NUP210: variants seen among roughly 807,000 people sequenced by gnomAD.
NUP210 encodes the protein nuclear pore membrane glycoprotein 210.
In NUP210, 151 loss-of-function variants were observed where a neutral mutation model predicts 196.0. The observed-to-expected ratio is 0.77, with a 90% CI of 0.67 to 0.88. NUP210 has a LOEUF of 0.88. Among genes scored for constraint, NUP210 ranks in the 40% least tolerant of loss-of-function variants. The pLI, the probability that NUP210 is intolerant of heterozygous loss-of-function variation, is 0.00. For missense variants in NUP210, 2,314 were observed against 2,493.7 expected (o/e 0.93, Z 1.53); for synonymous variants, 1,070 against 1,052.7 (o/e 1.02, Z -0.32).
At chr3:13,414,810 T>G (rs760865901) in intron 1 of NUP210, among the ~76,000 whole-genome samples, 5 of 152,354 alleles carry the variant, frequency 3.3e-5, no homozygotes, top group South Asian at 4.1e-4. Context: ...TACTCCTGCC[T>G]CACATGCATC....
intron 11 of NUP210, among the ~76,000 whole-genome samples, chr3:13,374,990 G>A (rs1390869289): frequency 6.6e-6 from 1 of 152,222 alleles, no homozygotes; most frequent in African/African-American, 2.4e-5. Flanking sequence ...TCCATCCCAT[G>A]TGATGAGGTT....
intron 13 of NUP210, among the ~76,000 whole-genome samples, chr3:13,370,536 C>A (rs1698695670): frequency 6.6e-6 from 1 of 152,166 alleles, no homozygotes; most frequent in African/African-American, 2.4e-5. Context: ...TGAGCAGCAC[C>A]CTGCAGACTC....
At chr3:13,392,777 CT>C (rs1167309735) in intron 3 of NUP210, among the ~76,000 whole-genome samples, 3 of 152,236 alleles carry the variant, frequency 2.0e-5, no homozygotes, top group African/African-American at 7.2e-5. Context: ...CCCAGTTCCA[CT>C]GTCCGGGGGC....
intron 20 of NUP210, among the ~76,000 whole-genome samples, chr3:13,343,821 G>A (rs980950224): frequency 1.3e-5 from 2 of 152,166 alleles, no homozygotes; most frequent in East Asian, 1.9e-4. Flanking sequence ...CTTTCCCACG[G>A]CAGCTTGCAC....
At chr3:13,383,038 G>A (rs1015230797) in intron 6 of NUP210, among the ~76,000 whole-genome samples, 2 of 152,046 alleles carry the variant, frequency 1.3e-5, no homozygotes, top group African/African-American at 4.8e-5. Flanking sequence ...CAGCTACTCA[G>A]GGGTGTGAGG....
chr3:13,404,325 GA>G (rs1435129940), intron 1 of NUP210, among the ~76,000 whole-genome samples: 1 of 152,200 alleles, frequency 6.6e-6, no homozygotes, highest in African/African-American at 2.4e-5. Context: ...TCAAAATAGA[GA>G]AGGTGGAAGT....
chr3:13,343,227 G>C lies in NUP210; in HGVS notation c.2912C>G (p.Ala971Gly). The change falls in exon 21 of 40, where the codon GCT becomes GGT. Residue 971 changes from alanine to glycine, a missense_variant. Physicochemically the swap from Ala to Gly is moderately conservative, Grantham distance 60 (BLOSUM62 0). Coordinates refer to ENST00000254508, the MANE Select transcript of NUP210 (RefSeq NM_024923.4). ...CTGAATGTCCGACACGTAAACGACA[G>C]CCTTGGCTGGGGCCGGGAAGACGAG... ...LCLVFPAPAK[A>G]VVYVSDIQEL... 6.2e-7 allele frequency: 1 copy of C among 1,614,104 alleles called. No individual in the cohort carries two copies. Among genetic ancestry groups the C allele is most frequent in the Non-Finnish European group, 8.5e-7 (1 of 1,179,990 alleles).
intron 14 of NUP210, 27 bp from the exon 15 acceptor site, chr3:13,360,518 G>A (rs753752779): frequency 2.5e-6 from 4 of 1,568,792 alleles, no homozygotes; most frequent in East Asian, 2.3e-5. Context: ...CAGAAGACTT[G>A]GCATTCTTCT....
chr3:13,338,723 C>T (rs952960851), intron 25 of NUP210, among the ~76,000 whole-genome samples: 13 of 152,306 alleles, frequency 8.5e-5, no homozygotes, highest in African/African-American at 2.9e-4. Flanking sequence ...CAGGTGAAAC[C>T]TCTGCCTGCC....
Position 13,323,438 on chromosome 3 carries a change from G to C in NUP210, c.4645-6C>G. 1 of 1,613,898 alleles carries C rather than the reference G, an allele frequency of 6.2e-7. No homozygotes were observed. The highest frequency in any genetic ancestry group is 8.5e-7 in the Non-Finnish European group (1 of 1,179,922). On this transcript the variant is annotated splice_polypyrimidine_tract_variant and splice_region_variant and intron_variant, in intron 33 of 39. Transcript: ENST00000254508. The surrounding 1 kb of genome is among the most constrained non-coding windows in gnomAD (Gnocchi z 4.3). ...TGAGGGACGCTGACCACCACCTAGA[G>C]AGGGAGCCAAGGAAGCTTCATGGAG... is the stretch of plus-strand genomic sequence containing the variant.
Position 13,340,257 on chromosome 3 carries a change from C to T in NUP210, c.3270G>A (p.Leu1090=). The T allele has an allele frequency of 6.2e-7, 1 of 1,613,494 alleles. No homozygotes were observed. The highest frequency in any genetic ancestry group is 2.2e-5 in the East Asian group (1 of 44,882). Residue 1090 remains leucine, a synonymous_variant, in exon 24 of 40, where the codon CTG becomes CTA. Transcript: ENST00000254508. The surrounding 1 kb of genome is among the most constrained non-coding windows in gnomAD (Gnocchi z 4.0). ...PFRLMPRKVT[L]LIGATMQVTS... The stretch of plus-strand genomic sequence containing the variant: ...TCACCTGCATCGTGGCCCCGATAAG[C>T]AGTGTCACCTTCCTGGGCATCAGCC...
rs573123059 is a variant in NUP210 at position 13,354,431 on chromosome 3, A to G, written c.2329-324T>C. On this transcript the variant is annotated intron_variant, in intron 16 of 39. Coordinates refer to ENST00000254508, the MANE Select transcript of NUP210 (RefSeq NM_024923.4). ...ACTGGCATCTACTCGGGAGAGGTCCATGATGCTGCTAAACACCCTACGATA... is the reference window on the plus strand; with the variant it reads ...ACTGGCATCTACTCGGGAGAGGTCCGTGATGCTGCTAAACACCCTACGATA... 13 of 337,764 alleles carry G rather than the reference A, an allele frequency of 3.8e-5. No individual in the cohort carries two copies. The South Asian group carries it at 4.4e-4, about 11-fold the overall frequency. 20.9% of individuals were successfully genotyped at this position (337,764 alleles called of 1,614,324 possible). A position where few individuals can be genotyped will look rare whatever the true frequency, so the allele number is the denominator to read the frequency against.
chr3:13,343,342 G>GGGGGGGGGGGGGGGGGGGT, intron 20 of NUP210, 39 bp from the exon 21 acceptor site: 6 of 655,992 alleles, frequency 9.1e-6, no homozygotes, highest in South Asian at 3.3e-5. Context: ...TGGGTGGTGG[G>GGGGGGGGGGGGGGGGGGGT]TTACGCAGCT....
At chr3:13,330,877 C>G (rs1696971041) in intron 29 of NUP210, among the ~76,000 whole-genome samples, 1 of 152,220 alleles carries the variant, frequency 6.6e-6, no homozygotes, top group Non-Finnish European at 1.5e-5. Flanking sequence ...TCACTCTTCC[C>G]AGAGCAGTGC....
chr3:13,399,196 G>A lies in NUP210; in HGVS notation c.304+529C>T, dbSNP rs539365936. 2.5e-3 allele frequency among the ~76,000 whole-genome samples: 380 copies of A among 151,090 alleles called. 2 individuals carry two copies. The highest frequency in any genetic ancestry group is 2.6e-3 in the Non-Finnish European group (173 of 67,820). ...CAGGAGAATCACTTGAACCCAGGAG[G>A]CGGAGGTTGCAGTGAGCCAAGATCG... On this transcript the variant is annotated intron_variant, in intron 2 of 39. Coordinates refer to ENST00000254508, the MANE Select transcript of NUP210 (RefSeq NM_024923.4).
intron 6 of NUP210, among the ~76,000 whole-genome samples, chr3:13,385,865 G>A (rs1158379895): frequency 6.6e-6 from 1 of 152,206 alleles, no homozygotes; most frequent in East Asian, 1.9e-4. Context: ...AGCCTTAAAA[G>A]GGAAGGGAAT....
rs180710444 is a variant in NUP210 at position 13,321,441 on chromosome 3, G to A, written c.5166+144C>T. ...AACAGTGCTATGGAAAAAGAAAAGA[G>A]TACTTCAATTTAAAAATTCTAATTG... On this transcript the variant is annotated intron_variant, in intron 36 of 39. Coordinates refer to ENST00000254508, the MANE Select transcript of NUP210 (RefSeq NM_024923.4). 1.4e-3 allele frequency: 1,143 copies of A among 838,422 alleles called. 1 individual carries two copies. Among genetic ancestry groups the A allele is most frequent in the Non-Finnish European group, 1.9e-3 (1,023 of 544,992 alleles). The allele number at this position is 838,422 out of a possible 1,614,324, so 51.9% of individuals were successfully genotyped here. A position where few individuals can be genotyped will look rare whatever the true frequency, so the allele number is the denominator to read the frequency against.
rs372959877 is a variant in NUP210 at position 13,369,619 on chromosome 3, T to C, written c.1786+2215A>G. 1.5e-4 allele frequency among the ~76,000 whole-genome samples: 23 copies of C among 152,354 alleles called. No individual in the cohort carries two copies. The East Asian group carries it at 2.9e-3, about 19-fold the overall frequency. On this transcript the variant is annotated intron_variant, in intron 13 of 39. Transcript: ENST00000254508. ...GGAGTTATGGAAGGGTCTAACTTCA[T>C]TCTTATGCATGTCGATACGTGGTTG... is the stretch of plus-strand genomic sequence containing the variant.
At chr3:13,361,155 C>T (rs1213196391) in intron 14 of NUP210, among the ~76,000 whole-genome samples, 1 of 152,252 alleles carries the variant, frequency 6.6e-6, no homozygotes, top group Non-Finnish European at 1.5e-5. Context: ...CATTCCCTTC[C>T]TTCTGAGCCG....
Sources: allele counts gnomAD v4.1 joint callset (sites outside exome capture counted in the v4.1 genomes callset), GRCh38; gene constraint gnomAD v4.1.1; non-coding constraint Gnocchi (gnomAD v3.1); transcripts MANE v1.5; gene names NCBI Gene and HGNC (gene_info 2026-07-23, HGNC 2026-07-21).